PIK3R1: variants seen among roughly 807,000 people sequenced by gnomAD.
PIK3R1 encodes the protein phosphatidylinositol 3-kinase regulatory subunit alpha.
PIK3R1 carries 29 observed loss-of-function variants against 98.0 expected under a neutral mutation model. The ratio of observed to expected loss-of-function variants is 0.30; its 90% CI spans 0.22 to 0.40. The LOEUF is 0.40. Among genes scored for constraint, PIK3R1 ranks in the 10% least tolerant of loss-of-function variants. PIK3R1 has a pLI of 1.00. For missense variants in PIK3R1, 596 were observed against 872.7 expected (o/e 0.68, Z 3.99); for synonymous variants, 282 against 311.8 (o/e 0.90, Z 1.01).
intron 2 of PIK3R1, among the ~76,000 whole-genome samples, chr5:68,257,657 C>T (rs1338469123): frequency 6.6e-6 from 1 of 152,228 alleles, no homozygotes. Flanking sequence ...ATATATAGCA[C>T]TTTTAAAATC....
intron 7 of PIK3R1, among the ~76,000 whole-genome samples, chr5:68,286,519 T>C (rs1747083809): frequency 6.6e-6 from 1 of 152,224 alleles, no homozygotes; most frequent in Admixed American, 6.5e-5. Context: ...CTCCCTTTTT[T>C]AAGCTAATAA....
chr5:68,238,708 A>G (rs997669292), intron 2 of PIK3R1, among the ~76,000 whole-genome samples: 1 of 152,148 alleles, frequency 6.6e-6, no homozygotes, highest in Non-Finnish European at 1.5e-5. Flanking sequence ...ATGAGGGAGA[A>G]GATATATAGA....
intron 4 of PIK3R1, among the ~76,000 whole-genome samples, chr5:68,278,800 C>T (rs761692275): frequency 8.6e-5 from 13 of 151,972 alleles, no homozygotes; most frequent in Non-Finnish European, 1.5e-4. Context: ...ATTAGCCAGG[C>T]GTGGTGGTAC....
chr5:68,275,612 T>C (rs1746539760), intron 4 of PIK3R1, among the ~76,000 whole-genome samples: 1 of 152,042 alleles, frequency 6.6e-6, no homozygotes, highest in Admixed American at 6.6e-5. Context: ...CAGGTTTCCT[T>C]CCCCAGTGAG....
At chr5:68,235,576 T>C (rs1744635614) in intron 2 of PIK3R1, among the ~76,000 whole-genome samples, 1 of 152,186 alleles carries the variant, frequency 6.6e-6, no homozygotes. Flanking sequence ...CAAAGCATTT[T>C]ACACATTGTT....
intron 2 of PIK3R1, among the ~76,000 whole-genome samples, chr5:68,249,214 C>T (rs1745211085): frequency 6.6e-6 from 1 of 152,174 alleles, no homozygotes; most frequent in Non-Finnish European, 1.5e-5. Context: ...TATGCTTACT[C>T]ATTATTTAAA....
chr5:68,270,988 AT>A (rs1746333880), intron 2 of PIK3R1, among the ~76,000 whole-genome samples: 1 of 152,164 alleles, frequency 6.6e-6, no homozygotes, highest in Non-Finnish European at 1.5e-5. Context: ...TGCTTTTCAG[AT>A]ATATTTACAT....
At chr5:68,247,002 C>T (rs1185850946) in intron 2 of PIK3R1, among the ~76,000 whole-genome samples, 1 of 152,190 alleles carries the variant, frequency 6.6e-6, no homozygotes, top group Admixed American at 6.5e-5. Flanking sequence ...AATCTTGCCA[C>T]CTATTGGTAA....
intron 1 of PIK3R1, among the ~76,000 whole-genome samples, chr5:68,220,452 A>G (rs1744054322): frequency 1.3e-5 from 2 of 152,126 alleles, no homozygotes; most frequent in Admixed American, 6.5e-5. Flanking sequence ...CCCAGAAGCT[A>G]CGTCACCCTT....
chr5:68,225,490 C>T (rs1744239537), intron 1 of PIK3R1, among the ~76,000 whole-genome samples: 1 of 152,190 alleles, frequency 6.6e-6, no homozygotes, highest in South Asian at 2.1e-4. Flanking sequence ...ACCCTTTGCT[C>T]CTCTCGTTCT....
chr5:68,284,814 A>G (rs1341455698), intron 7 of PIK3R1, among the ~76,000 whole-genome samples: 1 of 152,160 alleles, frequency 6.6e-6, no homozygotes, highest in East Asian at 1.9e-4. Context: ...AAAGAATAGT[A>G]ATACATCAAC....
chr5:68,236,211 A>G (rs1343436045), intron 2 of PIK3R1, among the ~76,000 whole-genome samples: 2 of 151,064 alleles, frequency 1.3e-5, no homozygotes, highest in Admixed American at 6.6e-5. Context: ...GACGCTCACA[A>G]CCACCCTGCA....
At chr5:68,275,660 G>A (rs575139272) in intron 4 of PIK3R1, among the ~76,000 whole-genome samples, 2 of 152,018 alleles carry the variant, frequency 1.3e-5, no homozygotes, top group East Asian at 3.9e-4. Context: ...TTTGGAGTCT[G>A]TGCTAAAAAA....
At chr5:68,282,852 C>A (rs570547394) in intron 7 of PIK3R1, among the ~76,000 whole-genome samples, 2 of 152,266 alleles carry the variant, frequency 1.3e-5, no homozygotes, top group African/African-American at 4.8e-5. Context: ...AAATCCAAGT[C>A]GGTTTTAAAC....
intron 5 of PIK3R1, 108 bp from the exon 6 acceptor site, chr5:68,280,420 G>T (rs958268496): frequency 1.3e-5 from 10 of 749,792 alleles, no homozygotes; most frequent in Admixed American, 2.3e-5. Context: ...CTTTTTAAAT[G>T]ACTCCTATAG....
intron 2 of PIK3R1, among the ~76,000 whole-genome samples, chr5:68,267,087 T>G (rs753588751): frequency 6.6e-6 from 1 of 152,176 alleles, no homozygotes; most frequent in Non-Finnish European, 1.5e-5. Flanking sequence ...ATTTTTCTGG[T>G]GAGGAGAGGA....
chr5:68,281,057 C>T (rs777106887), intron 7 of PIK3R1, 51 bp downstream of exon 7: 1 of 1,255,400 alleles, frequency 8.0e-7, no homozygotes. Context: ...TTTTTAGAGC[C>T]TTAAAAAATG....
intron 4 of PIK3R1, among the ~76,000 whole-genome samples, chr5:68,277,432 CA>C (rs1398650174): frequency 1.3e-5 from 2 of 152,196 alleles, no homozygotes; most frequent in Non-Finnish European, 2.9e-5. Context: ...TTCGCCTCTT[CA>C]CCTTTTAAAT....
chr5:68,261,979 G>A (rs1404554304), intron 2 of PIK3R1, among the ~76,000 whole-genome samples: 2 of 152,084 alleles, frequency 1.3e-5, no homozygotes, highest in African/African-American at 4.8e-5. Flanking sequence ...ACTCTGAGAT[G>A]ATAATGCAGA....
Sources: gnomAD v4.1 joint callset for allele counts (sites outside exome capture counted in the v4.1 genomes callset) on GRCh38, gnomAD v4.1.1 for gene constraint, MANE v1.5 for transcripts, NCBI Gene and HGNC (gene_info 2026-07-23, HGNC 2026-07-21) for gene names.